The following LMLN variants were observed in gnomAD, a reference collection of about 807,000 sequenced individuals.
LMLN encodes leishmanolysin like peptidase, also known as leishmanolysin-like peptidase.
LMLN carries 70 observed loss-of-function variants against 92.3 expected under a neutral mutation model. The ratio of observed to expected loss-of-function variants is 0.76; its 90% confidence interval spans 0.63 to 0.92. LMLN has a LOEUF of 0.92. Among genes scored for constraint, LMLN ranks in the 40% least tolerant of loss-of-function variants. The pLI is 0.00. For synonymous variants in LMLN, 308 were observed against 296.2 expected (o/e 1.04, Z -0.41); for missense variants, 691 against 814.6 (o/e 0.85, Z 1.85).
intron 15 of LMLN, among the ~76,000 whole-genome samples, chr3:198,036,652 T>C (rs564014358): frequency 2.0e-5 from 3 of 152,212 alleles, no homozygotes; most frequent in South Asian, 2.1e-4. Flanking sequence ...TTAAACCCTT[T>C]AGAAGCAGGA....
intron 11 of LMLN, among the ~76,000 whole-genome samples, chr3:198,014,513 C>T (rs1220852996): frequency 9.7e-6 from 1 of 102,918 alleles, no homozygotes; most frequent in Non-Finnish European, 2.1e-5. Context: ...TTCAGAGCCC[C>T]CTAACTAGTC....
chr3:197,983,949 A>T (rs753852732), exon 7 of LMLN: 2 of 1,604,100 alleles, frequency 1.2e-6, no homozygotes, highest in Admixed American at 3.3e-5. Flanking sequence ...ACAGGCCAAT[A>T]GCAGGATATG....
intron 10 of LMLN, among the ~76,000 whole-genome samples, chr3:197,998,963 ATAT>A (rs1384338849): frequency 1.3e-5 from 2 of 152,314 alleles, no homozygotes; most frequent in South Asian, 2.1e-4. Flanking sequence ...GGAGAGTATA[ATAT>A]TTCTGTAGCA....
At chr3:197,966,234 G>A (rs1375232254) in intron 1 of LMLN, among the ~76,000 whole-genome samples, 2 of 152,120 alleles carry the variant, frequency 1.3e-5, no homozygotes, top group African/African-American at 4.8e-5. Context: ...GTAGAGACAA[G>A]TTTCGCCATG....
At chr3:198,003,318 C>T (rs1722225811) in intron 11 of LMLN, among the ~76,000 whole-genome samples, 193 bp downstream of exon 12, 1 of 152,232 alleles carries the variant, frequency 6.6e-6, no homozygotes, top group African/African-American at 2.4e-5. Flanking sequence ...TAATCATATA[C>T]TAAAGGAATC....
intron 8 of LMLN, among the ~76,000 whole-genome samples, chr3:197,990,286 C>A (rs1269097498): frequency 6.6e-6 from 1 of 151,966 alleles, no homozygotes; most frequent in East Asian, 1.9e-4. Context: ...TGGTATCAAA[C>A]TCCTGGGCTC....
chr3:198,026,752 A>G (rs575022525), intron 14 of LMLN, among the ~76,000 whole-genome samples: 85 of 152,278 alleles, frequency 5.6e-4, no homozygotes, highest in African/African-American at 1.9e-3. Context: ...GGCGGTAATT[A>G]TACTGTTGAT....
At position 197,990,691 on chromosome 3, in the gene LMLN, A is replaced by C. The variant is rs1178298298; in HGVS notation, c.1047+15A>C. 2 of 1,226,194 alleles carry C rather than the reference A, an allele frequency of 1.6e-6. No homozygotes were observed. The highest frequency in any genetic ancestry group is 2.4e-6 in the Non-Finnish European group (2 of 827,552). The allele number at this position is 1,226,194 out of a possible 1,614,324, so 76.0% of individuals were successfully genotyped here. A position where few individuals can be genotyped will look rare whatever the true frequency, so the allele number is the denominator to read the frequency against. ...CTCGTGTTGTTGTAAGTATTATCAG[A>C]CTTCATGTCTCATGAGCCATCTGTT... is the stretch of plus-strand genomic sequence containing the variant. On this transcript the variant is annotated intron_variant, in intron 9 of 15. Coordinates refer to ENST00000330198, the Ensembl canonical transcript of LMLN.
intron 3 of LMLN, among the ~76,000 whole-genome samples, chr3:197,975,390 C>T (rs1721341331): frequency 6.6e-6 from 1 of 152,190 alleles, no homozygotes; most frequent in Non-Finnish European, 1.5e-5. Context: ...ATTGACAACA[C>T]TGTTCTCTTG....
At chr3:197,974,051 A>G (rs1249497499) in intron 1 of LMLN, among the ~76,000 whole-genome samples, 2 of 152,138 alleles carry the variant, frequency 1.3e-5, no homozygotes, top group African/African-American at 4.8e-5. Context: ...TCTTCCTGTC[A>G]TTTTCTCAAG....
intron 1 of LMLN, among the ~76,000 whole-genome samples, chr3:197,970,168 TAAATA>T (rs1383812537): frequency 2.0e-5 from 3 of 151,804 alleles, no homozygotes; most frequent in African/African-American, 2.4e-5. Flanking sequence ...CCAAAATAAA[TAAATA>T]AAATAAATAA....
At chr3:198,040,589 T>C (rs1723376240) in exon 16 of LMLN, 1 of 140,014 alleles carries the variant, frequency 7.1e-6, no homozygotes, top group African/African-American at 2.8e-5. Flanking sequence ...TATTCCTCCA[T>C]GGCATTGTAA....
At chr3:198,021,079 C>T (rs969859604) in intron 12 of LMLN, among the ~76,000 whole-genome samples, 5 of 152,044 alleles carry the variant, frequency 3.3e-5, no homozygotes, top group Admixed American at 1.3e-4. Context: ...CCTAAAAACT[C>T]TTGAAAAATT....
chr3:198,024,341 G>A (rs1051616837), intron 13 of LMLN, among the ~76,000 whole-genome samples: 6 of 150,174 alleles, frequency 4.0e-5, no homozygotes, highest in Non-Finnish European at 7.4e-5. Context: ...TCAGCCTCCC[G>A]AGTAGCTGGG....
At chr3:198,036,126 A>G in intron 15 of LMLN, 83 bp downstream of exon 16, 2 of 1,244,664 alleles carry the variant, frequency 1.6e-6, no homozygotes, top group Admixed American at 1.8e-5. Context: ...TTTCCCTTCA[A>G]GGAAGCTCTA....
intron 14 of LMLN, among the ~76,000 whole-genome samples, 158 bp downstream of exon 15, chr3:198,024,946 T>C (rs2109942330): frequency 6.6e-6 from 1 of 152,362 alleles, no homozygotes; most frequent in Admixed American, 6.5e-5. Flanking sequence ...GCTTATGTTT[T>C]ATGAAAATAT....
intron 8 of LMLN, 42 bp downstream of exon 8, chr3:197,985,932 G>T (rs1721693800): frequency 8.2e-7 from 1 of 1,218,212 alleles, no homozygotes; most frequent in Non-Finnish European, 1.2e-6. Flanking sequence ...CTTTTAGGAG[G>T]GTGCTAAGAC....
chr3:197,985,127 C>T (rs1721666987), intron 7 of LMLN, among the ~76,000 whole-genome samples: 1 of 152,064 alleles, frequency 6.6e-6, no homozygotes, highest in African/African-American at 2.4e-5. Flanking sequence ...TTTATCTTCC[C>T]AGTAATTTTT....
intron 9 of LMLN, among the ~76,000 whole-genome samples, chr3:197,994,238 G>A (rs1489981798): frequency 6.6e-6 from 1 of 152,110 alleles, no homozygotes; most frequent in Non-Finnish European, 1.5e-5. Context: ...CCCTCAAAGT[G>A]CAGGCAACAA....
Sources: allele counts gnomAD v4.1 joint callset (sites outside exome capture counted in the v4.1 genomes callset), GRCh38; gene constraint gnomAD v4.1.1; transcripts MANE v1.5; gene names NCBI Gene and HGNC (gene_info 2026-07-23, HGNC 2026-07-21).